Variants in CUX2 observed in about 807,000 individuals in gnomAD.
The protein encoded by CUX2 is homeobox protein cut-like 2.
A neutral mutation model predicts 144.8 loss-of-function variants in CUX2; 40 were observed. The observed-to-expected ratio is 0.28, with a 90% CI of 0.21 to 0.36. The LOEUF (loss-of-function observed/expected upper bound fraction) is 0.36. Among genes scored for constraint, CUX2 ranks in the 10% least tolerant of loss-of-function variants. CUX2 has a pLI of 1.00. For missense variants in CUX2, 1,615 were observed against 1,994.0 expected, an observed-to-expected ratio of 0.81 and a Z score of 3.62; for synonymous variants, 827 against 875.6, an observed-to-expected ratio of 0.94 and a Z score of 0.98.
At chr12:111,266,018 A>T (rs1304319720) in intron 4 of CUX2, among the ~76,000 whole-genome samples, 1 of 152,210 alleles carries the variant, frequency 6.6e-6, no homozygotes, top group South Asian at 2.1e-4. Flanking sequence ...GTCTGGGGCA[A>T]CTGTAGTGGG....
chr12:111,175,710 A>G (rs978551968), intron 1 of CUX2, among the ~76,000 whole-genome samples: 2 of 152,066 alleles, frequency 1.3e-5, no homozygotes, highest in Non-Finnish European at 2.9e-5. Flanking sequence ...TAATAAAGCA[A>G]GTTTTCTTTT....
intron 1 of CUX2, among the ~76,000 whole-genome samples, chr12:111,055,103 T>C (rs1014038294): frequency 2.5e-4 from 38 of 152,244 alleles, no homozygotes; most frequent in African/African-American, 9.2e-4. Context: ...CTGTGTATCA[T>C]TGGGACAGGG....
intron 1 of CUX2, among the ~76,000 whole-genome samples, chr12:111,103,201 G>C (rs1873366977): frequency 6.6e-6 from 1 of 152,138 alleles, no homozygotes; most frequent in African/African-American, 2.4e-5. Flanking sequence ...ATGCTTGTTG[G>C]ATGGGTGGAC....
intron 1 of CUX2, among the ~76,000 whole-genome samples, chr12:111,062,822 G>T (rs1349658908): frequency 6.6e-6 from 1 of 152,206 alleles, no homozygotes; most frequent in Non-Finnish European, 1.5e-5. Flanking sequence ...AGTCCAGTTA[G>T]AGGGTAGGAG....
chr12:111,282,909 TGA>T (rs1289613740), intron 4 of CUX2, among the ~76,000 whole-genome samples: 1 of 152,008 alleles, frequency 6.6e-6, no homozygotes, highest in African/African-American at 2.4e-5. Context: ...GGGATGCTTC[TGA>T]CAATCTAGAG....
chr12:111,298,658 A>G, intron 9 of CUX2, 69 bp downstream of exon 9: 1 of 1,414,258 alleles, frequency 7.1e-7, no homozygotes. Flanking sequence ...GTCTCGGGCC[A>G]GATGAGGAGG....
chr12:111,169,239 C>T (rs906831421), intron 1 of CUX2, among the ~76,000 whole-genome samples: 1 of 151,964 alleles, frequency 6.6e-6, no homozygotes, highest in Non-Finnish European at 1.5e-5. Flanking sequence ...CCCAGCAACA[C>T]CAAGGATGGC....
chr12:111,144,722 T>A (rs965889570), intron 1 of CUX2, among the ~76,000 whole-genome samples: 6 of 152,190 alleles, frequency 3.9e-5, no homozygotes, highest in Admixed American at 3.9e-4. Context: ...AGCTTACCAC[T>A]GCTGTCCGTG....
chr12:111,237,603 G>A (rs1882824183), intron 3 of CUX2, among the ~76,000 whole-genome samples: 1 of 152,178 alleles, frequency 6.6e-6, no homozygotes, highest in South Asian at 2.1e-4. Flanking sequence ...CAAGTGAGCT[G>A]TTTAGAAACA....
intron 16 of CUX2, among the ~76,000 whole-genome samples, chr12:111,313,509 G>A (rs956670452): frequency 6.7e-6 from 1 of 149,272 alleles, no homozygotes; most frequent in African/African-American, 2.5e-5. Context: ...GGGCGTGGTG[G>A]CGCACGCCTG....
chr12:111,113,701 T>C (rs1441751950), intron 1 of CUX2, among the ~76,000 whole-genome samples: 1 of 152,160 alleles, frequency 6.6e-6, no homozygotes, highest in Non-Finnish European at 1.5e-5. Context: ...ACTATGGGCA[T>C]GTGCCACCAC....
chr12:111,290,320 G>A (rs1230414774), intron 4 of CUX2, among the ~76,000 whole-genome samples: 1 of 152,156 alleles, frequency 6.6e-6, no homozygotes, highest in Non-Finnish European at 1.5e-5. Context: ...GGGGTACAGT[G>A]ATGCAATCTC....
At chr12:111,337,613 G>C (rs1888407051) in intron 19 of CUX2, among the ~76,000 whole-genome samples, 1 of 152,222 alleles carries the variant, frequency 6.6e-6, no homozygotes, top group Non-Finnish European at 1.5e-5. Context: ...TTGCTCCGAA[G>C]CTGTGCACAT....
intron 1 of CUX2, among the ~76,000 whole-genome samples, chr12:111,159,427 G>A (rs528790102): frequency 6.6e-6 from 1 of 151,882 alleles, no homozygotes; most frequent in South Asian, 2.1e-4. Flanking sequence ...TGGAATTACA[G>A]GCATGAGCTA....
intron 1 of CUX2, among the ~76,000 whole-genome samples, chr12:111,198,558 A>G (rs1880382064): frequency 6.6e-6 from 1 of 152,222 alleles, no homozygotes; most frequent in African/African-American, 2.4e-5. Context: ...AAAACAGACA[A>G]GAGTCCCTGC....
intron 1 of CUX2, among the ~76,000 whole-genome samples, chr12:111,049,467 C>T (rs936881593): frequency 3.3e-5 from 5 of 152,254 alleles, no homozygotes; most frequent in Non-Finnish European, 5.9e-5. Context: ...GAGGAGTCAA[C>T]TGTAGTGAAA....
chr12:111,346,089 A>G (rs991031442), intron 21 of CUX2, among the ~76,000 whole-genome samples: 4 of 149,346 alleles, frequency 2.7e-5, no homozygotes, highest in African/African-American at 7.4e-5. Flanking sequence ...GCCTGGCAAC[A>G]AAGTGAGACT....
chr12:111,179,963 G>A (rs1258384898), intron 1 of CUX2, among the ~76,000 whole-genome samples: 1 of 152,190 alleles, frequency 6.6e-6, no homozygotes, highest in African/African-American at 2.4e-5. Context: ...GATTACAGGC[G>A]TGAGCCACCG....
chr12:111,090,429 A>G (rs1872492372), intron 1 of CUX2, among the ~76,000 whole-genome samples: 3 of 151,912 alleles, frequency 2.0e-5, no homozygotes, highest in Admixed American at 2.0e-4. Context: ...ACACCTGGCT[A>G]ATTTTTTGTA....
Sources: allele counts gnomAD v4.1 joint callset (sites outside exome capture counted in the v4.1 genomes callset), GRCh38; gene constraint gnomAD v4.1.1; transcripts MANE v1.5; gene names NCBI Gene and HGNC (gene_info 2026-07-23, HGNC 2026-07-21).